Variants in GIMAP8 observed in about 807,000 individuals in gnomAD.
GIMAP8 encodes GTPase, IMAP family member 8, also known as GTPase IMAP family member 8.
In GIMAP8, 29 loss-of-function variants were observed where a neutral mutation model predicts 35.6. The observed-to-expected ratio is 0.81, with a 90% CI of 0.61 to 1.11. The LOEUF (loss-of-function observed/expected upper bound fraction) is 1.11. GIMAP8 is among the 50% of genes most tolerant of loss of function. The pLI, the probability that GIMAP8 is intolerant of heterozygous loss-of-function variation, is 0.00. For synonymous variants in GIMAP8, 335 were observed against 308.7 expected (o/e 1.09, Z -0.89); for missense variants, 811 against 805.0 (o/e 1.01, Z -0.09).
chr7:150,468,453 A>G (rs2116607021), intron 2 of GIMAP8, among the ~76,000 whole-genome samples: 1 of 152,302 alleles, frequency 6.6e-6, no homozygotes, highest in East Asian at 1.9e-4. Flanking sequence ...TGGCAAGGGG[A>G]AGCCCCAGAG....
At chr7:150,463,216 T>C (rs375490621) in intron 1 of GIMAP8, among the ~76,000 whole-genome samples, 3 of 152,246 alleles carry the variant, frequency 2.0e-5, no homozygotes, top group African/African-American at 7.2e-5. Context: ...TATCTCTTTA[T>C]TGAATTTCTC....
At chr7:150,457,461 A>G (rs1801753793) in intron 1 of GIMAP8, among the ~76,000 whole-genome samples, 1 of 152,222 alleles carries the variant, frequency 6.6e-6, no homozygotes, top group African/African-American at 2.4e-5. Flanking sequence ...TATGAAAGAA[A>G]GGGTTGATAA....
chr7:150,466,592 G>A, intron 1 of GIMAP8, 79 bp from the exon 2 acceptor site: 2 of 1,290,266 alleles, frequency 1.6e-6, no homozygotes, highest in South Asian at 2.9e-5. Flanking sequence ...GAGTCAAAAA[G>A]AGAATGTCTT....
At position 150,474,551 on chromosome 7, in the gene GIMAP8, GAGCAA is replaced by G; in HGVS notation, c.1225_1229del (p.Gln409AlafsTer10). 6.2e-7 allele frequency: 1 copy of G among 1,612,908 alleles called. No individual in the cohort carries two copies. Among genetic ancestry groups the G allele is most frequent in the Non-Finnish European group, 8.5e-7 (1 of 1,178,968 alleles). ...CAACTACCGGGCAACAGGAGAAGAA[GAGCAA>G]AGGCAGGCGGACGAGCTCCTGGAAA... On this transcript the variant is annotated frameshift_variant, in exon 4 of 5. Transcript: ENST00000307271. LOFTEE classifies it high-confidence loss of function.
At chr7:150,464,032 C>A (rs1801899692) in intron 1 of GIMAP8, among the ~76,000 whole-genome samples, 2 of 152,160 alleles carry the variant, frequency 1.3e-5, no homozygotes. Context: ...GGCCCCTGGG[C>A]AGTGTGTATA....
chr7:150,477,308 G>T lies in GIMAP8; in HGVS notation c.1526G>T (p.Arg509Leu), dbSNP rs749652932. 1 of 1,613,996 alleles carries T rather than the reference G, an allele frequency of 6.2e-7. No individual in the cohort carries two copies. Among genetic ancestry groups the T allele is most frequent in the Non-Finnish European group, 8.5e-7 (1 of 1,180,000 alleles). Reference protein sequence around the residue: ...QMLDVEKDPSRLEEEVKRCLS... With the variant: ...QMLDVEKDPSLLEEEVKRCLS... ...CTGGATGTCGAAAAGGACCCATCCC[G>T]GTTAGAAGAGGAGGTCAAGCGCTGT... The change falls in exon 5 of 5, where the codon CGG becomes CTG. Residue 509 changes from arginine (R) to leucine (L), a missense_variant. Coordinates refer to ENST00000307271, the MANE Select transcript of GIMAP8 (RefSeq NM_175571.4).
At chr7:150,452,497 T>C (rs1801628255) in intron 1 of GIMAP8, among the ~76,000 whole-genome samples, 1 of 151,704 alleles carries the variant, frequency 6.6e-6, no homozygotes, top group Non-Finnish European at 1.5e-5. Context: ...TTCAGCTTGC[T>C]GTTTTCTCAC....
At chr7:150,473,384 T>C (rs979742279) in intron 3 of GIMAP8, among the ~76,000 whole-genome samples, 1 of 151,798 alleles carries the variant, frequency 6.6e-6, no homozygotes, top group Non-Finnish European at 1.5e-5. Context: ...GATAAAGATA[T>C]AGAGCATTTC....
At chr7:150,470,795 T>C in intron 2 of GIMAP8, 34 bp from the exon 3 acceptor site, 1 of 1,178,680 alleles carries the variant, frequency 8.5e-7, no homozygotes, top group Non-Finnish European at 1.3e-6. Flanking sequence ...AGGTTTTAGA[T>C]CTGTGTGCAC....
intron 1 of GIMAP8, among the ~76,000 whole-genome samples, chr7:150,457,096 T>G (rs575589136): frequency 3.3e-5 from 5 of 152,296 alleles, no homozygotes; most frequent in African/African-American, 1.2e-4. Flanking sequence ...ACCCACCTAT[T>G]TATTGACAGT....
chr7:150,474,138 G>A lies in GIMAP8; in HGVS notation c.809G>A (p.Arg270Lys), dbSNP rs1306545341. The A allele has an allele frequency of 6.2e-7, 1 of 1,614,184 alleles. No individual in the cohort carries two copies. Among genetic ancestry groups the A allele is most frequent in the Admixed American group, 1.7e-5 (1 of 60,018 alleles). The change falls in exon 4 of 5, where the codon AGG becomes AAG. Residue 270 changes from arginine to lysine, a missense_variant. By Grantham distance (26) the Arg-to-Lys change is conservative. Transcript: ENST00000307271. ...GCAGCAGGAAACAGCATTCTGGGGA[G>A]GCAGGCCTTTCAGACCGGATTTAGT... Reference protein sequence around the residue: ...KSAAGNSILGRQAFQTGFSEQ... With the variant: ...KSAAGNSILGKQAFQTGFSEQ...
At chr7:150,470,144 T>C (rs981537357) in intron 2 of GIMAP8, among the ~76,000 whole-genome samples, 3 of 152,166 alleles carry the variant, frequency 2.0e-5, no homozygotes, top group South Asian at 2.1e-4. Flanking sequence ...AACTGGGCTA[T>C]GTAAGGTTAA....
rs1167199577 is a variant in GIMAP8, at chr7:150,477,810, T to C, written c.*30T>C. On this transcript the variant is annotated 3_prime_UTR_variant, in exon 5 of 5. Coordinates refer to ENST00000307271, the MANE Select transcript of GIMAP8 (RefSeq NM_175571.4). ...CCGAAGTGCCTGGGGTCTCTTCAAT[T>C]AGAGACACCCTCAGGTTGGGGGGAG... The C allele has an allele frequency of 3.3e-6, 5 of 1,538,312 alleles. No individual in the cohort carries two copies. The African/African-American group carries it at 5.5e-5, about 17-fold the overall frequency.
Position 150,477,813 on chromosome 7 carries a change from A to AG in GIMAP8, c.*34dup. On this transcript the variant is annotated 3_prime_UTR_variant, in exon 5 of 5. Transcript: ENST00000307271. ...AAGTGCCTGGGGTCTCTTCAATTAG[A>AG]GACACCCTCAGGTTGGGGGGAGGGG... The AG allele has an allele frequency of 6.5e-7, 1 of 1,548,886 alleles. No homozygotes were observed. The highest frequency in any genetic ancestry group is 8.8e-7 in the Non-Finnish European group (1 of 1,134,174).
At position 150,478,659 on chromosome 7, in the gene GIMAP8, A is replaced by T. The variant is rs1371240472; in HGVS notation, c.*879A>T. The T allele has an allele frequency of 6.6e-6, 1 of 152,192 alleles. No homozygotes were observed. 9.4% of individuals were successfully genotyped at this position (152,192 alleles called of 1,614,324 possible). The stretch of plus-strand genomic sequence containing the variant: ...AACAGGTTAAAACTCAGAGAACTCC[A>T]ATAATAATGGTTTAAAAACATCAGG... On this transcript the variant is annotated 3_prime_UTR_variant, in exon 5 of 5. Transcript: ENST00000307271.
rs938088650 is a variant in GIMAP8 at position 150,451,443 on chromosome 7, C to T, written c.-29+268C>T. 6.6e-6 allele frequency among the ~76,000 whole-genome samples: 1 copy of T among 152,094 alleles called. No individual in the cohort carries two copies. Among genetic ancestry groups the T allele is most frequent in the African/African-American group, 2.4e-5 (1 of 41,412 alleles). Reference sequence around the variant, plus strand: ...GCCCTGGGAAGCTTTCCTCCTGGTCCAAAGCGTGTCTCCCCAGCCTGCTGG... The same window carrying T: ...GCCCTGGGAAGCTTTCCTCCTGGTCTAAAGCGTGTCTCCCCAGCCTGCTGG... On this transcript the variant is annotated intron_variant, in intron 1 of 4. Coordinates refer to ENST00000307271, the MANE Select transcript of GIMAP8 (RefSeq NM_175571.4). The surrounding 1 kb of genome is among the most constrained non-coding windows in gnomAD (Gnocchi z 4.1).
intron 2 of GIMAP8, 24 bp from the exon 3 acceptor site, chr7:150,470,805 C>A: frequency 3.9e-6 from 4 of 1,035,792 alleles, no homozygotes; most frequent in Non-Finnish European, 5.4e-6. Context: ...TCTGTGTGCA[C>A]TATTTTGTTC....
intron 1 of GIMAP8, among the ~76,000 whole-genome samples, chr7:150,455,178 A>G (rs1801703916): frequency 6.6e-6 from 1 of 151,148 alleles, no homozygotes; most frequent in African/African-American, 2.4e-5. Context: ...AAACTGGTCA[A>G]CAAAAAAGAA....
rs371053748 is a variant in GIMAP8, at chr7:150,451,543, G to A, written c.-29+368G>A. On this transcript the variant is annotated intron_variant, in intron 1 of 4. Coordinates refer to ENST00000307271, the MANE Select transcript of GIMAP8 (RefSeq NM_175571.4). This position sits in a 1 kb window ranked among gnomAD's most constrained non-coding sequence, Gnocchi z 4.1. ...GAGAGTGGCTGTCCTAAAAGAAGGC[G>A]TGTCGGGGAGTGGGTGTGAGCCCTG... Among the ~76,000 whole-genome samples the A allele has an allele frequency of 1.0e-3, 158 of 152,288 alleles. 4 individuals are homozygous for A. In the South Asian group the frequency reaches 0.03, roughly 29 times the overall value.
Sources: gnomAD v4.1 joint callset for allele counts (sites outside exome capture counted in the v4.1 genomes callset) on GRCh38, gnomAD v4.1.1 for gene constraint, Gnocchi (gnomAD v3.1) non-coding constraint, MANE v1.5 for transcripts, NCBI Gene and HGNC (gene_info 2026-07-23, HGNC 2026-07-21) for gene names.